The following GLIS3 variants were observed in gnomAD, a reference collection of about 807,000 sequenced individuals.
The protein encoded by GLIS3 is zinc finger protein GLIS3.
In GLIS3, 53 loss-of-function variants were observed where a neutral mutation model predicts 78.6. The ratio of observed to expected loss-of-function variants is 0.67; its 90% CI spans 0.54 to 0.85. The LOEUF (loss-of-function observed/expected upper bound fraction) is 0.85, where lower values mean the gene tolerates loss of function less well. Among genes scored for constraint, GLIS3 ranks in the 40% least tolerant of loss-of-function variants. GLIS3 has a pLI of 0.00. For synonymous variants in GLIS3, 684 were observed against 509.9 expected (o/e 1.34, Z -4.60); for missense variants, 1,703 against 1,231.1 (o/e 1.38, Z -5.74).
At chr9:4,209,305 A>C (rs1820168626) in intron 2 of GLIS3, among the ~76,000 whole-genome samples, 2 of 151,960 alleles carry the variant, frequency 1.3e-5, no homozygotes, top group African/African-American at 4.8e-5. Flanking sequence ...TGCTTGTGCT[A>C]CCTCCTTTCT....
At chr9:4,288,147 T>A (rs1047615396) in intron 1 of GLIS3, among the ~76,000 whole-genome samples, 1 of 152,224 alleles carries the variant, frequency 6.6e-6, no homozygotes, top group African/African-American at 2.4e-5. Context: ...GGAGAACTCC[T>A]GTGTGTCACC....
chr9:3,878,126 C>A (rs950065485), intron 8 of GLIS3, among the ~76,000 whole-genome samples: 1 of 152,042 alleles, frequency 6.6e-6, no homozygotes, highest in African/African-American at 2.4e-5. Flanking sequence ...GGATGCTGTG[C>A]CCCCACTGAG....
At chr9:4,383,199 C>G in the GLIS3 span, among the ~76,000 whole-genome samples, 1 of 152,198 alleles carries the variant, frequency 6.6e-6, no homozygotes, top group Non-Finnish European at 1.5e-5. Flanking sequence ...ATTGCACTTG[C>G]TTCTTGGCAT....
intron 8 of GLIS3, among the ~76,000 whole-genome samples, chr9:3,861,333 A>T (rs1206776050): frequency 6.6e-6 from 1 of 152,182 alleles, no homozygotes; most frequent in African/African-American, 2.4e-5. Context: ...TAGTTACACA[A>T]TTGTAGAAGC....
chr9:3,841,046 G>A (rs1818683068), intron 9 of GLIS3, among the ~76,000 whole-genome samples: 1 of 152,256 alleles, frequency 6.6e-6, no homozygotes, highest in Non-Finnish European at 1.5e-5. Context: ...GTGGCTAAAA[G>A]CGACAATAGG....
At chr9:4,269,479 T>G (rs1826311813) in intron 2 of GLIS3, among the ~76,000 whole-genome samples, 1 of 152,212 alleles carries the variant, frequency 6.6e-6, no homozygotes, top group Non-Finnish European at 1.5e-5. Flanking sequence ...TTGTCCAACG[T>G]TATATCAGTT....
the GLIS3 span, among the ~76,000 whole-genome samples, chr9:4,413,759 G>A: frequency 6.6e-6 from 1 of 152,042 alleles, no homozygotes; most frequent in Admixed American, 6.6e-5. Flanking sequence ...GGCAGGGAAT[G>A]CCTTCCACTG....
intron 8 of GLIS3, among the ~76,000 whole-genome samples, chr9:3,870,067 G>C (rs184393813): frequency 7.9e-5 from 12 of 152,332 alleles, no homozygotes; most frequent in Non-Finnish European, 2.9e-5. Flanking sequence ...AGTCAGACTG[G>C]TTTGGGTAGA....
the GLIS3 span, among the ~76,000 whole-genome samples, chr9:4,476,884 C>T: frequency 3.8e-4 from 58 of 152,156 alleles, 1 homozygote; most frequent in South Asian, 0.012. Flanking sequence ...TGTTTTTAGA[C>T]AGAATTTTAA....
Position 4,243,423 on chromosome 9 carries a change from G to C in GLIS3, c.388+42615C>G, listed in dbSNP as rs145383226. The stretch of plus-strand genomic sequence containing the variant: ...GCACACACACACACACATACGCATA[G>C]AGTACTAACACAGGTATACACATTT... On this transcript the variant is annotated intron_variant, in intron 2 of 10. Transcript: ENST00000381971. Among the ~76,000 whole-genome samples, 10 of 152,052 alleles carry C rather than the reference G, an allele frequency of 6.6e-5. No homozygotes were observed. The East Asian group carries it at 1.7e-3, about 26-fold the overall frequency.
At chr9:4,348,491 A>G (rs969279283), upstream of GLIS3, 10 of 152,246 alleles carry the variant, frequency 6.6e-5, no homozygotes, top group African/African-American at 1.9e-4. Context: ...CAAATTGATA[A>G]TAACTATTCT....
chr9:3,911,529 A>C (rs1234092706), intron 6 of GLIS3, among the ~76,000 whole-genome samples: 1 of 152,238 alleles, frequency 6.6e-6, no homozygotes, highest in Non-Finnish European at 1.5e-5. Flanking sequence ...GTTATCTAAA[A>C]AAATTGTCTC....
chr9:4,462,061 C>A, the GLIS3 span, among the ~76,000 whole-genome samples: 1 of 152,160 alleles, frequency 6.6e-6, no homozygotes, highest in African/African-American at 2.4e-5. Context: ...AGTGAGTTGG[C>A]ATGTCTGTGT....
chr9:4,435,406 G>A, the GLIS3 span, among the ~76,000 whole-genome samples: 2 of 152,178 alleles, frequency 1.3e-5, no homozygotes, highest in Non-Finnish European at 2.9e-5. Context: ...GAGCTTAGCA[G>A]ATCCTCGCTT....
chr9:3,965,207 T>G (rs983963536), intron 4 of GLIS3, among the ~76,000 whole-genome samples: 6 of 142,700 alleles, frequency 4.2e-5, no homozygotes, highest in Non-Finnish European at 9.2e-5. Context: ...TTTTTTTTTT[T>G]TTTTTGAGAC....
At chr9:4,253,059 G>A (rs1288016149) in intron 2 of GLIS3, among the ~76,000 whole-genome samples, 1 of 152,208 alleles carries the variant, frequency 6.6e-6, no homozygotes, top group African/African-American at 2.4e-5. Context: ...ACCCCTGATG[G>A]GAGGTGTCTC....
intron 7 of GLIS3, among the ~76,000 whole-genome samples, chr9:3,880,079 T>C (rs1215088178): frequency 6.6e-6 from 1 of 152,260 alleles, no homozygotes; most frequent in African/African-American, 2.4e-5. Flanking sequence ...ATCAATGTAA[T>C]GAGAACTGGA....
chr9:4,328,336 C>A (rs1033430568), intron 2 of GLIS3, among the ~76,000 whole-genome samples: 2 of 152,178 alleles, frequency 1.3e-5, no homozygotes, highest in African/African-American at 4.8e-5. Context: ...TCCAGTTGAA[C>A]AAAACCAGAA....
intron 4 of GLIS3, among the ~76,000 whole-genome samples, chr9:4,094,479 T>A (rs147985193): frequency 3.2e-3 from 480 of 152,330 alleles, no homozygotes; most frequent in African/African-American, 0.01. Flanking sequence ...AAGGTCAAAG[T>A]GGGATAATAT....
Sources: allele counts gnomAD v4.1 joint callset (sites outside exome capture counted in the v4.1 genomes callset), GRCh38; gene constraint gnomAD v4.1.1; transcripts MANE v1.5; gene names NCBI Gene and HGNC (gene_info 2026-07-23, HGNC 2026-07-21).